Variants in PGR observed in about 807,000 individuals in gnomAD.
The protein encoded by PGR is nuclear receptor subfamily 3 group C member 3.
In PGR, 25 loss-of-function variants were observed where a neutral mutation model predicts 76.1. The ratio of observed to expected loss-of-function variants is 0.33; its 90% CI spans 0.24 to 0.46. The LOEUF is 0.46. Ranked by LOEUF, PGR falls within the 20% of genes least tolerant of loss-of-function variation. PGR has a pLI of 1.00. For missense variants in PGR, 1,172 were observed against 1,225.3 expected, an observed-to-expected ratio of 0.96 and a Z score of 0.65; for synonymous variants, 579 against 535.0, an observed-to-expected ratio of 1.08 and a Z score of -1.14.
intron 2 of PGR, among the ~76,000 whole-genome samples, chr11:101,119,415 T>A (rs1862606793): frequency 6.6e-6 from 1 of 151,214 alleles, no homozygotes; most frequent in African/African-American, 2.4e-5. Context: ...AAGCAAAAGC[T>A]CTATAACTCA....
At chr11:101,050,641 C>A (rs1448641231) in intron 5 of PGR, among the ~76,000 whole-genome samples, 4 of 152,064 alleles carry the variant, frequency 2.6e-5, no homozygotes, top group African/African-American at 9.7e-5. Flanking sequence ...ATTTTCCCAA[C>A]CTTGTGTTGT....
intron 2 of PGR, among the ~76,000 whole-genome samples, chr11:101,122,802 C>T (rs1448970924): frequency 6.6e-6 from 1 of 152,146 alleles, no homozygotes; most frequent in African/African-American, 2.4e-5. Flanking sequence ...CCTCTCCTAA[C>T]ATGGGAGGGA....
intron 3 of PGR, among the ~76,000 whole-genome samples, chr11:101,080,893 G>A (rs994738869): frequency 4.6e-5 from 7 of 151,958 alleles, no homozygotes; most frequent in African/African-American, 7.3e-5. Context: ...AAGCTTGAAG[G>A]CTGGTCTTGT....
At chr11:101,086,111 A>C (rs1265922335) in intron 3 of PGR, among the ~76,000 whole-genome samples, 3 of 152,144 alleles carry the variant, frequency 2.0e-5, no homozygotes, top group Non-Finnish European at 4.4e-5. Context: ...AGCCAGTATC[A>C]CCCTGATACC....
intron 3 of PGR, among the ~76,000 whole-genome samples, chr11:101,066,775 C>A (rs1860731719): frequency 6.6e-6 from 1 of 152,168 alleles, no homozygotes; most frequent in South Asian, 2.1e-4. Flanking sequence ...CACCTCATAT[C>A]TAATACATCA....
intron 2 of PGR, among the ~76,000 whole-genome samples, chr11:101,103,747 C>T (rs2135475068): frequency 6.6e-6 from 1 of 152,208 alleles, no homozygotes; most frequent in Non-Finnish European, 1.5e-5. Flanking sequence ...GGGTGTTTTT[C>T]CTTCTCATGA....
intron 3 of PGR, among the ~76,000 whole-genome samples, chr11:101,088,770 C>A (rs532692402): frequency 6.6e-6 from 1 of 152,280 alleles, no homozygotes; most frequent in South Asian, 2.1e-4. Context: ...AAAGCAAAGA[C>A]ATGGAATTAA....
intron 2 of PGR, among the ~76,000 whole-genome samples, chr11:101,107,040 C>T (rs1862184787): frequency 6.6e-6 from 1 of 152,086 alleles, no homozygotes; most frequent in African/African-American, 2.4e-5. Flanking sequence ...GGGAGGGGAA[C>T]ATTACATACC....
chr11:101,047,175 G>A (rs916612605), intron 6 of PGR, among the ~76,000 whole-genome samples: 4 of 152,056 alleles, frequency 2.6e-5, no homozygotes, highest in African/African-American at 9.7e-5. Flanking sequence ...TCTAGTGATC[G>A]CCTAAGTTTC....
rs1311340414 is a variant in PGR, at chr11:101,041,663, C to T, written c.2646+282G>A. On this transcript the variant is annotated intron_variant, in intron 7 of 7. Coordinates refer to ENST00000325455, the MANE Select transcript of PGR (RefSeq NM_000926.4). Reference sequence around the variant, plus strand: ...ATATAAAATCTTTTATAATTTTAGGCACAAATATTTTAGAACATATTCAGG... The same window carrying T: ...ATATAAAATCTTTTATAATTTTAGGTACAAATATTTTAGAACATATTCAGG... The T allele has an allele frequency of 1.4e-5, 5 of 347,046 alleles. No individual in the cohort carries two copies. The East Asian group carries it at 2.9e-4, about 20-fold the overall frequency. The allele number at this position is 347,046 out of a possible 1,614,324, so 21.5% of individuals were successfully genotyped here.
intron 3 of PGR, among the ~76,000 whole-genome samples, chr11:101,073,383 T>A (rs1861013019): frequency 6.6e-6 from 1 of 152,108 alleles, no homozygotes; most frequent in Admixed American, 6.6e-5. Flanking sequence ...GTGGGAATGA[T>A]CTAAAATTGA....
intron 3 of PGR, among the ~76,000 whole-genome samples, chr11:101,072,981 A>T (rs1300880637): frequency 6.6e-6 from 1 of 152,206 alleles, no homozygotes; most frequent in East Asian, 1.9e-4. Context: ...GACCTAAGAG[A>T]CATCTACAGA....
Position 101,128,532 on chromosome 11 carries a change from G to A in PGR, c.539C>T (p.Ala180Val). 4 of 1,600,430 alleles carry A rather than the reference G, an allele frequency of 2.5e-6. No individual in the cohort carries two copies. Among genetic ancestry groups the A allele is most frequent in the Non-Finnish European group, 3.4e-6 (4 of 1,176,906 alleles). Residue 180 changes from alanine (A) to valine (V), a missense_variant, in exon 1 of 8, where the codon GCT becomes GTT. This residue lies in a region of PGR where 893 missense variants were observed against 785.9 expected (regional missense o/e 1.14). Transcript: ENST00000325455. Reference protein sequence around the residue: ...CKVGDSSGTAAAHKVLPRGLS... With the variant: ...CKVGDSSGTAVAHKVLPRGLS... The stretch of plus-strand genomic sequence containing the variant: ...GCCCCGGGGCAGCACTTTATGGGCA[G>A]CTGCCGTCCCGGAGCTGTCTCCAAC...
At position 101,046,292 on chromosome 11, in the gene PGR, ATTTTTTTTTTTTTTTTTTTTTTT is replaced by A. The variant is rs540943297; in HGVS notation, c.2488+3614_2488+3636del. ...AGGCACTTGCCACTACGCCTGGCTA[ATTTTTTTTTTTTTTTTTTTTTTT>A]TTTTTTTTTTTTTTTTTTTTTAGAG... On this transcript the variant is annotated intron_variant, in intron 6 of 7. Coordinates refer to ENST00000325455, the MANE Select transcript of PGR (RefSeq NM_000926.4). 1.4e-3 allele frequency among the ~76,000 whole-genome samples: 91 copies of A among 66,294 alleles called. 1 individual carries two copies. Among genetic ancestry groups the A allele is most frequent in the Admixed American group, 7.5e-3 (36 of 4,780 alleles). 43.5% of individuals were successfully genotyped at this position (66,294 alleles called of 152,430 possible). A position where few individuals can be genotyped will look rare whatever the true frequency, so the allele number is the denominator to read the frequency against.
intron 2 of PGR, among the ~76,000 whole-genome samples, chr11:101,094,188 T>A (rs1038985406): frequency 6.6e-6 from 1 of 151,996 alleles, no homozygotes; most frequent in East Asian, 1.9e-4. Flanking sequence ...TACATTCCCC[T>A]TTTTTTGGTC....
intron 4 of PGR, among the ~76,000 whole-genome samples, chr11:101,057,893 C>T (rs1860350124): frequency 6.6e-6 from 1 of 152,030 alleles, no homozygotes; most frequent in Non-Finnish European, 1.5e-5. Context: ...TGTAGAGGGT[C>T]TGGCTAATAT....
intron 2 of PGR, among the ~76,000 whole-genome samples, chr11:101,110,552 T>A (rs527287030): frequency 1.3e-5 from 2 of 152,190 alleles, no homozygotes; most frequent in Non-Finnish European, 2.9e-5. Context: ...GTCTCATGGA[T>A]GAGCAAAGAA....
In PGR at chr11:101,102,976, T is replaced by G. The variant is rs1331449728; in HGVS notation, c.1790-11100A>C. ...AACCTAGATCCCTGGCACGCGCAGT[T>G]TGCAATAGGGTTTGCGCTGCTATGA... On this transcript the variant is annotated intron_variant, in intron 2 of 7. Transcript: ENST00000325455. 2.0e-5 allele frequency among the ~76,000 whole-genome samples: 3 copies of G among 151,836 alleles called. No individual in the cohort carries two copies. The East Asian group carries it at 5.9e-4, about 30-fold the overall frequency.
At chr11:101,055,767 A>G (rs1482964826) in intron 4 of PGR, among the ~76,000 whole-genome samples, 1 of 152,072 alleles carries the variant, frequency 6.6e-6, no homozygotes, top group Non-Finnish European at 1.5e-5. Flanking sequence ...TCCTACTCTT[A>G]GTTTTTGTTT....
Sources: allele counts gnomAD v4.1 joint callset (sites outside exome capture counted in the v4.1 genomes callset), GRCh38; gene constraint gnomAD v4.1.1; regional missense constraint gnomAD v4.1.1; transcripts MANE v1.5; gene names NCBI Gene and HGNC (gene_info 2026-07-23, HGNC 2026-07-21).